The following SUPT3H variants were observed in gnomAD, a reference collection of about 807,000 sequenced individuals.
The protein encoded by SUPT3H is transcription initiation protein SPT3 homolog.
SUPT3H carries 44 observed loss-of-function variants against 44.3 expected under a neutral mutation model. The ratio of observed to expected loss-of-function variants is 0.99; its 90% CI spans 0.78 to 1.28. The LOEUF (loss-of-function observed/expected upper bound fraction) is 1.28, where lower values mean the gene tolerates loss of function less well. SUPT3H is among the 50% of genes most tolerant of loss of function. The pLI is 0.00. For synonymous variants in SUPT3H, 124 were observed against 125.6 expected (o/e 0.99, Z 0.09); for missense variants, 380 against 387.1 (o/e 0.98, Z 0.15).
chr6:45,228,281 A>G (rs1001836196), intron 2 of SUPT3H, among the ~76,000 whole-genome samples: 4 of 152,224 alleles, frequency 2.6e-5, no homozygotes, highest in Admixed American at 6.5e-5. Flanking sequence ...CATTTAAATC[A>G]GCAAACTAAG....
intron 10 of SUPT3H, among the ~76,000 whole-genome samples, chr6:44,895,119 C>G (rs1763920039): frequency 6.6e-6 from 1 of 151,934 alleles, no homozygotes; most frequent in African/African-American, 2.4e-5. Flanking sequence ...TATACACAGA[C>G]AATGAATTGA....
intron 2 of SUPT3H, among the ~76,000 whole-genome samples, chr6:45,151,107 T>C (rs913944936): frequency 2.0e-5 from 3 of 152,188 alleles, no homozygotes; most frequent in Non-Finnish European, 4.4e-5. Context: ...GAAAAAGATG[T>C]TTCATACATA....
chr6:45,331,439 T>C (rs1562966158), intron 2 of SUPT3H, among the ~76,000 whole-genome samples: 1 of 151,914 alleles, frequency 6.6e-6, no homozygotes, highest in Non-Finnish European at 1.5e-5. Context: ...AGTTTCAAGA[T>C]TCAGTAGTGA....
At chr6:44,900,955 G>A (rs898579946) in intron 10 of SUPT3H, among the ~76,000 whole-genome samples, 12 of 152,214 alleles carry the variant, frequency 7.9e-5, no homozygotes, top group African/African-American at 2.2e-4. Flanking sequence ...ACCTGCAGAT[G>A]AGGGTCCTGA....
intron 10 of SUPT3H, among the ~76,000 whole-genome samples, chr6:44,931,481 A>G (rs988622431): frequency 6.6e-6 from 1 of 152,042 alleles, no homozygotes; most frequent in Non-Finnish European, 1.5e-5. Flanking sequence ...TGTCATTTAA[A>G]ACAGCTTCAC....
intron 10 of SUPT3H, among the ~76,000 whole-genome samples, chr6:44,865,279 T>A (rs1775323307): frequency 6.6e-6 from 1 of 152,210 alleles, no homozygotes; most frequent in South Asian, 2.1e-4. Context: ...CAAACTTTCC[T>A]ACATTTTCCT....
chr6:45,069,269 C>T (rs1386472573), intron 3 of SUPT3H, among the ~76,000 whole-genome samples: 3 of 152,124 alleles, frequency 2.0e-5, no homozygotes, highest in Non-Finnish European at 2.9e-5. Flanking sequence ...TCATGCAGAA[C>T]GTGTTAAACA....
chr6:45,077,615 A>G (rs1431989200), intron 3 of SUPT3H, among the ~76,000 whole-genome samples: 2 of 52,912 alleles, frequency 3.8e-5, no homozygotes, highest in African/African-American at 1.5e-4. Context: ...TGACAGAGTG[A>G]GACCTTGTTT....
chr6:44,847,823 C>T (rs567982767), intron 10 of SUPT3H, among the ~76,000 whole-genome samples: 2 of 152,118 alleles, frequency 1.3e-5, no homozygotes, highest in African/African-American at 2.4e-5. Flanking sequence ...GTCTTTTCTT[C>T]TCCTGCTCTT....
chr6:45,349,103 A>G (rs1346564280), intron 2 of SUPT3H, among the ~76,000 whole-genome samples: 1 of 152,204 alleles, frequency 6.6e-6, no homozygotes, highest in East Asian at 1.9e-4. Flanking sequence ...TATAAATGTT[A>G]CTGCCTATAA....
At chr6:45,310,504 C>G (rs938903663) in intron 2 of SUPT3H, among the ~76,000 whole-genome samples, 1 of 152,144 alleles carries the variant, frequency 6.6e-6, no homozygotes, top group South Asian at 2.1e-4. Flanking sequence ...ACCACCAAAG[C>G]TAAGAACCCT....
chr6:44,974,233 T>C (rs1027874577), intron 6 of SUPT3H, among the ~76,000 whole-genome samples: 1 of 152,014 alleles, frequency 6.6e-6, no homozygotes, highest in Non-Finnish European at 1.5e-5. Flanking sequence ...ATATATATAT[T>C]CATATATACA....
rs1391771859 is a variant in SUPT3H at position 44,956,350 on chromosome 6, G to A, written c.581-1743C>T. ...ATACAAAAAATTAGCTGGGCGTGGT[G>A]GTGCGTGCCTGTAGTCCCAGCTACT... is the stretch of plus-strand genomic sequence containing the variant. On this transcript the variant is annotated intron_variant, in intron 7 of 10. Transcript: ENST00000371459. 2.1e-5 allele frequency among the ~76,000 whole-genome samples: 3 copies of A among 142,344 alleles called. No homozygotes were observed. In the Admixed American group the frequency reaches 2.1e-4, roughly 10 times the overall value. 93.4% of individuals were successfully genotyped at this position (142,344 alleles called of 152,430 possible). A position where few individuals can be genotyped will look rare whatever the true frequency, so the allele number is the denominator to read the frequency against.
rs116309285 is a variant in SUPT3H, at chr6:44,934,799, A to T, written c.802-2036T>A. ...TTCCTAGCCTCCAGAACTATAAGAAATACATTCCTATTGTTTATAAGCCAC... is the reference window on the plus strand; with the variant it reads ...TTCCTAGCCTCCAGAACTATAAGAATTACATTCCTATTGTTTATAAGCCAC... On this transcript the variant is annotated intron_variant, in intron 9 of 10. Transcript: ENST00000371459. Among the ~76,000 whole-genome samples, 622 of 152,282 alleles carry T rather than the reference A, an allele frequency of 4.1e-3. 5 individuals carry two copies. Among genetic ancestry groups the T allele is most frequent in the African/African-American group, 0.014 (583 of 41,554 alleles).
At chr6:45,176,654 T>C (rs931627283) in intron 2 of SUPT3H, among the ~76,000 whole-genome samples, 1 of 152,164 alleles carries the variant, frequency 6.6e-6, no homozygotes, top group African/African-American at 2.4e-5. Context: ...AGCAGTAACC[T>C]CTGCAGACTT....
At chr6:44,932,258 TA>T (rs1770704544) in intron 10 of SUPT3H, among the ~76,000 whole-genome samples, 1 of 152,186 alleles carries the variant, frequency 6.6e-6, no homozygotes, top group Non-Finnish European at 1.5e-5. Context: ...TTCTTCCAAC[TA>T]AAAGCATGTT....
At chr6:45,164,502 G>C (rs933011133) in intron 2 of SUPT3H, among the ~76,000 whole-genome samples, 6 of 152,164 alleles carry the variant, frequency 3.9e-5, no homozygotes, top group Non-Finnish European at 7.3e-5. Context: ...CAGGTAGACA[G>C]GAGAGGTGTT....
chr6:44,845,865 A>T (rs575824265), intron 10 of SUPT3H, among the ~76,000 whole-genome samples: 14 of 152,274 alleles, frequency 9.2e-5, no homozygotes, highest in African/African-American at 3.4e-4. Context: ...CCCATGTGTG[A>T]TCTGATTTTT....
intron 2 of SUPT3H, among the ~76,000 whole-genome samples, chr6:45,113,534 A>C (rs1800377065): frequency 6.6e-6 from 1 of 152,172 alleles, no homozygotes. Flanking sequence ...GTGATAGGTA[A>C]ATCAAAATAT....
Sources: allele counts gnomAD v4.1 joint callset (sites outside exome capture counted in the v4.1 genomes callset), GRCh38; gene constraint gnomAD v4.1.1; transcripts MANE v1.5; gene names NCBI Gene and HGNC (gene_info 2026-07-23, HGNC 2026-07-21).